HORMAD2: variants seen among roughly 807,000 people sequenced by gnomAD.
The protein encoded by HORMAD2 is HORMA domain-containing protein 2.
Under a neutral mutation model 38.8 loss-of-function variants are expected in HORMAD2, and 45 were observed. That is an observed-to-expected ratio of 1.16 (90% CI 0.91 to 1.49). The LOEUF (loss-of-function observed/expected upper bound fraction) is 1.49, where lower values mean the gene tolerates loss of function less well. HORMAD2 is among the 40% of genes most tolerant of loss of function. HORMAD2 has a pLI of 0.00. For synonymous variants in HORMAD2, 126 were observed against 122.8 expected (o/e 1.03, Z -0.17); for missense variants, 338 against 367.0 (o/e 0.92, Z 0.65).
chr22:30,137,401 T>C (rs1287377393), intron 10 of HORMAD2: 1 of 458,188 alleles, frequency 2.2e-6, no homozygotes, highest in East Asian at 5.8e-5. Flanking sequence ...TGGGTCAAGG[T>C]ATTTGAGCCC....
At chr22:30,139,902 C>A (rs1923953664) in intron 10 of HORMAD2, among the ~76,000 whole-genome samples, 1 of 151,880 alleles carries the variant, frequency 6.6e-6, no homozygotes, top group South Asian at 2.1e-4. Context: ...AGATATTAAC[C>A]CAAGCTTGCA....
intron 1 of HORMAD2, among the ~76,000 whole-genome samples, chr22:30,092,043 A>ATTT (rs34639591): frequency 2.7e-4 from 37 of 135,072 alleles, no homozygotes; most frequent in East Asian, 2.0e-3. Flanking sequence ...CACCTGGCTA[A>ATTT]TTTTTTTTTT....
At chr22:30,192,754 C>T in the HORMAD2 span, among the ~76,000 whole-genome samples, 1 of 152,042 alleles carries the variant, frequency 6.6e-6, no homozygotes, top group Admixed American at 6.6e-5. Flanking sequence ...TTCCATTATG[C>T]CACTCCTTGC....
At chr22:30,201,134 G>A in the HORMAD2 span, among the ~76,000 whole-genome samples, 2 of 152,146 alleles carry the variant, frequency 1.3e-5, no homozygotes, top group Non-Finnish European at 2.9e-5. Flanking sequence ...AGGCTCTGAG[G>A]GAGAATCTGT....
chr22:30,118,913 G>C (rs1922239345), intron 7 of HORMAD2, 67 bp from the exon 8 acceptor site: 1 of 1,046,350 alleles, frequency 9.6e-7, no homozygotes, highest in Admixed American at 2.1e-5. Context: ...CCTTACTTAT[G>C]ATCAGGTAAG....
At chr22:30,205,839 C>T in the HORMAD2 span, among the ~76,000 whole-genome samples, 24 of 152,216 alleles carry the variant, frequency 1.6e-4, no homozygotes, top group East Asian at 4.4e-3. Flanking sequence ...GCACGGGAGG[C>T]TCAGCGCTGC....
At chr22:30,158,628 T>TCCC (rs1925254728) in intron 10 of HORMAD2, among the ~76,000 whole-genome samples, 1 of 106,226 alleles carries the variant, frequency 9.4e-6, no homozygotes, top group African/African-American at 3.5e-5. Flanking sequence ...CCTCCCTCCC[T>TCCC]TCCTCCCTTC....
intron 1 of HORMAD2, among the ~76,000 whole-genome samples, chr22:30,086,520 G>A (rs960703103): frequency 6.6e-6 from 1 of 152,184 alleles, no homozygotes; most frequent in Non-Finnish European, 1.5e-5. Flanking sequence ...AGGGAGGCAT[G>A]AGTCAAATCT....
chr22:30,094,096 G>A (rs546471946), intron 2 of HORMAD2, 93 bp downstream of exon 2: 8 of 936,504 alleles, frequency 8.5e-6, no homozygotes, highest in African/African-American at 5.0e-5. Context: ...TTTTTAAGCA[G>A]CAGTTTTATC....
intron 10 of HORMAD2, among the ~76,000 whole-genome samples, chr22:30,159,094 A>G (rs1055179731): frequency 5.3e-5 from 8 of 152,240 alleles, no homozygotes; most frequent in African/African-American, 1.9e-4. Context: ...CTGTAGCTTC[A>G]CTGAATTAGA....
chr22:30,120,130 A>C (rs913258636), intron 8 of HORMAD2, among the ~76,000 whole-genome samples: 2 of 152,212 alleles, frequency 1.3e-5, no homozygotes, highest in Non-Finnish European at 2.9e-5. Context: ...GGTAAGCTGT[A>C]AAACAAAAAT....
In HORMAD2 at chr22:30,090,134, G is replaced by A. The variant is rs565724382; in HGVS notation, c.-37-3782G>A. Among the ~76,000 whole-genome samples, 169 of 152,238 alleles carry A rather than the reference G, an allele frequency of 1.1e-3. 1 individual carries two copies. The highest frequency in any genetic ancestry group is 1.0e-3 in the Non-Finnish European group (70 of 68,014). On this transcript the variant is annotated intron_variant, in intron 1 of 10. Coordinates refer to ENST00000336726, the MANE Select transcript of HORMAD2 (RefSeq NM_152510.4). ...TCCCAGCACACTGGGAGGATGAGGC[G>A]GGTGGATTGCCTGAACCTAGGAATT... is the stretch of plus-strand genomic sequence containing the variant.
At chr22:30,140,059 G>C (rs920631800) in intron 10 of HORMAD2, among the ~76,000 whole-genome samples, 1 of 151,866 alleles carries the variant, frequency 6.6e-6, no homozygotes, top group Non-Finnish European at 1.5e-5. Context: ...TAGTTTTCTT[G>C]TGTTGCCTTT....
At chr22:30,190,522 C>T in the HORMAD2 span, among the ~76,000 whole-genome samples, 10 of 152,216 alleles carry the variant, frequency 6.6e-5, no homozygotes, top group African/African-American at 4.8e-5. Flanking sequence ...TTATGCCTCT[C>T]GGCCAAACCC....
chr22:30,181,615 G>A (rs1926721398), downstream of HORMAD2, among the ~76,000 whole-genome samples: 2 of 152,196 alleles, frequency 1.3e-5, no homozygotes, highest in South Asian at 4.1e-4. Flanking sequence ...GAAGAAGAAA[G>A]TTTAAAGGGA....
chr22:30,142,919 A>G (rs1220913410), intron 10 of HORMAD2, among the ~76,000 whole-genome samples: 2 of 152,176 alleles, frequency 1.3e-5, no homozygotes, highest in African/African-American at 4.8e-5. Context: ...GCTTAATTCC[A>G]GTGAGACATG....
Position 30,121,644 on chromosome 22 carries a change from T to C in HORMAD2, c.423T>C (p.Ser141=). 1 of 1,595,120 alleles carries C rather than the reference T, an allele frequency of 6.3e-7. No homozygotes were observed. The highest frequency in any genetic ancestry group is 1.1e-5 in the South Asian group (1 of 87,954). The change falls in exon 9 of 11, where the codon AGT becomes AGC. Residue 141 remains serine (S), a synonymous_variant. Transcript: ENST00000336726. Reference sequence around the variant, plus strand: ...TTTTTCTGTGTAGTCATAGCAGCAGTACAAGCTTTGAAAGTGGAACAAACA... The same window carrying C: ...TTTTTCTGTGTAGTCATAGCAGCAGCACAAGCTTTGAAAGTGGAACAAACA... The part of the protein sequence containing the change: ...ATMDFDSHSS[S]TSFESGTNNE...
intron 4 of HORMAD2, among the ~76,000 whole-genome samples, chr22:30,103,810 T>C (rs767002583): frequency 2.6e-5 from 4 of 151,348 alleles, no homozygotes; most frequent in Non-Finnish European, 5.9e-5. Flanking sequence ...TACAGGTGCA[T>C]GCCACCACGC....
intron 8 of HORMAD2, among the ~76,000 whole-genome samples, chr22:30,120,786 C>T (rs931155521): frequency 5.9e-5 from 9 of 152,006 alleles, no homozygotes; most frequent in African/African-American, 9.7e-5. Context: ...GAAGAGTCTG[C>T]GCATGAGCTA....
Sources: gnomAD v4.1 joint callset for allele counts (sites outside exome capture counted in the v4.1 genomes callset) on GRCh38, gnomAD v4.1.1 for gene constraint, MANE v1.5 for transcripts, NCBI Gene and HGNC (gene_info 2026-07-23, HGNC 2026-07-21) for gene names.